FOCAD: variants seen among roughly 807,000 people sequenced by gnomAD.
The protein encoded by FOCAD is focadhesin, also known as KIAA1797.
In FOCAD, 198 loss-of-function variants were observed where a neutral mutation model predicts 225.6. That is an observed-to-expected ratio of 0.88 (90% CI 0.78 to 0.99). The LOEUF is 0.99. FOCAD is among the 50% of genes least tolerant of loss of function. The pLI, the probability that FOCAD is intolerant of heterozygous loss-of-function variation, is 0.00. For missense variants in FOCAD, 2,713 were observed against 2,123.6 expected, an observed-to-expected ratio of 1.28 and a Z score of -5.46; for synonymous variants, 897 against 755.0, an observed-to-expected ratio of 1.19 and a Z score of -3.08.
intron 11 of FOCAD, among the ~76,000 whole-genome samples, chr9:20,801,807 G>T (rs1355469695): frequency 6.6e-6 from 1 of 152,140 alleles, no homozygotes; most frequent in Non-Finnish European, 1.5e-5. Flanking sequence ...GCTGCTACGT[G>T]ATAGCTGTAA....
At chr9:20,778,608 C>G in intron 8 of FOCAD, 73 bp from the exon 9 acceptor site, 3 of 757,774 alleles carry the variant, frequency 4.0e-6, no homozygotes, top group Non-Finnish European at 7.0e-6. Flanking sequence ...TATATTCTTC[C>G]TGGATACATG....
intron 1 of FOCAD, among the ~76,000 whole-genome samples, chr9:20,685,398 G>A (rs1822605463): frequency 6.6e-6 from 1 of 152,102 alleles, no homozygotes; most frequent in South Asian, 2.1e-4. Context: ...TTAACAGGAA[G>A]TAACTATTTT....
intron 1 of FOCAD, among the ~76,000 whole-genome samples, chr9:20,713,481 A>C (rs1052335220): frequency 2.0e-5 from 3 of 152,180 alleles, no homozygotes; most frequent in Non-Finnish European, 4.4e-5. Context: ...GAAAGTGTGC[A>C]CTTCTCCCAT....
At chr9:20,833,804 G>C (rs1278729681) in intron 15 of FOCAD, among the ~76,000 whole-genome samples, 2 of 151,986 alleles carry the variant, frequency 1.3e-5, no homozygotes, top group Admixed American at 6.6e-5. Context: ...CTGGTCATTG[G>C]GAAATGTGCA....
At chr9:20,678,591 G>C (rs957033227) in intron 2 of FOCAD, among the ~76,000 whole-genome samples, 10 of 152,202 alleles carry the variant, frequency 6.6e-5, no homozygotes, top group African/African-American at 2.4e-4. Context: ...TCACAGTGCT[G>C]CAGGAGGCCG....
At chr9:20,728,869 C>T (rs1276475809) in intron 4 of FOCAD, among the ~76,000 whole-genome samples, 1 of 152,004 alleles carries the variant, frequency 6.6e-6, no homozygotes, top group Non-Finnish European at 1.5e-5. Context: ...CTCATAGGAC[C>T]CAAGAATAAA....
intron 35 of FOCAD, among the ~76,000 whole-genome samples, chr9:20,963,216 T>G (rs547870146): frequency 6.6e-6 from 1 of 152,222 alleles, no homozygotes; most frequent in Admixed American, 6.5e-5. Context: ...TGGACTGATG[T>G]GATTTTTCAA....
chr9:20,903,169 C>T (rs1832691514), intron 21 of FOCAD, among the ~76,000 whole-genome samples: 1 of 151,914 alleles, frequency 6.6e-6, no homozygotes, highest in South Asian at 2.1e-4. Flanking sequence ...TCCTAACAAT[C>T]TCACATGACC....
intron 23 of FOCAD, among the ~76,000 whole-genome samples, chr9:20,916,025 G>GA (rs1475177695): frequency 6.6e-6 from 1 of 152,152 alleles, no homozygotes; most frequent in African/African-American, 2.4e-5. Flanking sequence ...GCACCTGTCT[G>GA]AAAAACTTGT....
chr9:20,928,661 CATA>C (rs1181754417), intron 26 of FOCAD, among the ~76,000 whole-genome samples: 1 of 152,146 alleles, frequency 6.6e-6, no homozygotes, highest in Non-Finnish European at 1.5e-5. Flanking sequence ...TTTCTTTTCC[CATA>C]ATTACATGTA....
At chr9:20,707,722 G>A (rs1279888261) in intron 1 of FOCAD, among the ~76,000 whole-genome samples, 7 of 152,186 alleles carry the variant, frequency 4.6e-5, no homozygotes, top group Non-Finnish European at 1.0e-4. Flanking sequence ...TGCTGTCTCA[G>A]GGGTGCCAGA....
chr9:20,705,493 G>A (rs1375686061), intron 1 of FOCAD, among the ~76,000 whole-genome samples: 1 of 152,126 alleles, frequency 6.6e-6, no homozygotes, highest in Non-Finnish European at 1.5e-5. Flanking sequence ...ATTCTGTGAT[G>A]TTTTACTAAT....
intron 11 of FOCAD, among the ~76,000 whole-genome samples, chr9:20,793,264 T>C (rs1394521198): frequency 6.6e-6 from 1 of 152,180 alleles, no homozygotes; most frequent in East Asian, 1.9e-4. Context: ...ACAACTGAAA[T>C]ATAAGGTCAA....
At chr9:20,677,177 G>C (rs1368231071) in intron 2 of FOCAD, among the ~76,000 whole-genome samples, 2 of 152,180 alleles carry the variant, frequency 1.3e-5, no homozygotes, top group Non-Finnish European at 2.9e-5. Flanking sequence ...ACATGTAGGA[G>C]AATGAAATTG....
intron 11 of FOCAD, among the ~76,000 whole-genome samples, chr9:20,801,696 T>A (rs560118259): frequency 6.6e-6 from 1 of 152,316 alleles, no homozygotes; most frequent in Admixed American, 6.5e-5. Context: ...TTCTTTACTT[T>A]GTGAACCATA....
chr9:20,756,990 CATA>C (rs748602533), intron 5 of FOCAD, among the ~76,000 whole-genome samples: 11 of 152,112 alleles, frequency 7.2e-5, no homozygotes, highest in African/African-American at 2.4e-4. Flanking sequence ...AGTGCAATAG[CATA>C]ATATCAGTTC....
At chr9:20,774,739 T>C (rs1818587051) in intron 8 of FOCAD, among the ~76,000 whole-genome samples, 1 of 152,180 alleles carries the variant, frequency 6.6e-6, no homozygotes, top group Non-Finnish European at 1.5e-5. Flanking sequence ...GATTATAATG[T>C]AGAGTCACAG....
chr9:20,929,046 G>T, intron 26 of FOCAD: 1 of 220,094 alleles, frequency 4.5e-6, no homozygotes, highest in Non-Finnish European at 8.8e-6. Flanking sequence ...TATACATGTG[G>T]GCTTTTAGGA....
intron 20 of FOCAD, among the ~76,000 whole-genome samples, chr9:20,883,403 C>G (rs1347128957): frequency 1.3e-5 from 2 of 151,666 alleles, no homozygotes; most frequent in South Asian, 2.1e-4. Flanking sequence ...TATGAACAAA[C>G]TACTGTATAG....
Sources: allele counts gnomAD v4.1 joint callset (sites outside exome capture counted in the v4.1 genomes callset), GRCh38; gene constraint gnomAD v4.1.1; transcripts MANE v1.5; gene names NCBI Gene and HGNC (gene_info 2026-07-23, HGNC 2026-07-21).